Variants in PXK observed in about 807,000 individuals in gnomAD.
PXK encodes the protein PX domain containing serine/threonine kinase like.
PXK carries 35 observed loss-of-function variants against 84.7 expected under a neutral mutation model. That is an observed-to-expected ratio of 0.41 (90% confidence interval 0.32 to 0.55). PXK has a LOEUF of 0.55. Ranked by LOEUF, PXK falls within the 20% of genes least tolerant of loss-of-function variation. The probability of loss-of-function intolerance (pLI) is 0.21; values close to 1 mark genes in which losing one functional copy is unlikely to be tolerated. For synonymous variants in PXK, 253 were observed against 260.8 expected, an observed-to-expected ratio of 0.97 and a Z score of 0.29; for missense variants, 634 against 699.7, an observed-to-expected ratio of 0.91 and a Z score of 1.06.
intron 17 of PXK, among the ~76,000 whole-genome samples, chr3:58,417,335 T>C (rs544542859): frequency 6.6e-6 from 1 of 152,350 alleles, no homozygotes; most frequent in South Asian, 2.1e-4. Context: ...CAGCAGTGCC[T>C]TTCTTTCCGA....
At chr3:58,423,389 G>C in intron 17 of PXK, 1 of 1,501,478 alleles carries the variant, frequency 6.7e-7, no homozygotes, top group Non-Finnish European at 9.0e-7. Flanking sequence ...GTCTTTATTT[G>C]TATTGCTATC....
At chr3:58,335,052 TG>T (rs1364530952) in intron 1 of PXK, among the ~76,000 whole-genome samples, 1 of 147,764 alleles carries the variant, frequency 6.8e-6, no homozygotes, top group Non-Finnish European at 1.5e-5. Flanking sequence ...TGTGTGTGTG[TG>T]TGTGTGGAGA....
rs1312507651 is a variant in PXK, at chr3:58,332,894, T to C, written c.-95T>C. Reference sequence around the variant, plus strand: ...CGGCGGCGCGTGGGGCGGCGCGTGTTGACAGCGGCGGCGGTGGAACCGGGC... The same window carrying C: ...CGGCGGCGCGTGGGGCGGCGCGTGTCGACAGCGGCGGCGGTGGAACCGGGC... On this transcript the variant is annotated 5_prime_UTR_variant, in exon 1 of 18. Coordinates refer to ENST00000356151, the MANE Select transcript of PXK (RefSeq NM_017771.5). This position sits in a 1 kb window ranked among gnomAD's most constrained non-coding sequence, Gnocchi z 5.6. 1.2e-5 allele frequency: 9 copies of C among 748,792 alleles called. No homozygotes were observed. Among genetic ancestry groups the C allele is most frequent in the African/African-American group, 1.9e-5 (1 of 52,156 alleles). The allele number at this position is 748,792 out of a possible 1,614,324, so 46.4% of individuals were successfully genotyped here.
At chr3:58,348,554 TTAAA>T (rs1034983403) in intron 1 of PXK, among the ~76,000 whole-genome samples, 3 of 152,186 alleles carry the variant, frequency 2.0e-5, no homozygotes, top group Non-Finnish European at 4.4e-5. Flanking sequence ...TGAAATTAAT[TTAAA>T]TAATATATTT....
At chr3:58,391,104 C>G in intron 5 of PXK, 43 bp from the exon 6 acceptor site, 1 of 1,476,454 alleles carries the variant, frequency 6.8e-7, no homozygotes, top group Non-Finnish European at 9.4e-7. Flanking sequence ...TCAGTTGTTG[C>G]AAAAATTGTG....
At chr3:58,353,858 C>T (rs998313775) in intron 1 of PXK, among the ~76,000 whole-genome samples, 1 of 152,292 alleles carries the variant, frequency 6.6e-6, no homozygotes, top group South Asian at 2.1e-4. Flanking sequence ...ACAGTTTGGT[C>T]AGGTGGTAGA....
intron 3 of PXK, among the ~76,000 whole-genome samples, chr3:58,375,678 A>C (rs532955262): frequency 6.6e-6 from 1 of 152,324 alleles, no homozygotes; most frequent in Non-Finnish European, 1.5e-5. Context: ...AAAGATGTAC[A>C]GGTTAGGTGA....
intron 16 of PXK, 70 bp downstream of exon 16, chr3:58,410,229 G>A: frequency 8.4e-7 from 1 of 1,185,308 alleles, no homozygotes; most frequent in Non-Finnish European, 1.3e-6. Flanking sequence ...AGTTGGTCAA[G>A]AGGTCTTGAG....
At chr3:58,365,633 A>G (rs781043920) in intron 1 of PXK, among the ~76,000 whole-genome samples, 2 of 152,160 alleles carry the variant, frequency 1.3e-5, no homozygotes, top group Admixed American at 6.5e-5. Context: ...CAGTTTTATC[A>G]GTTTTTTGCC....
Position 58,333,517 on chromosome 3 carries a change from C to CTGA in PXK, c.102+429_102+430insATG, listed in dbSNP as rs1408392734. ...TAATTTCCTCCTTGCAGCTGAGGGT[C>CTGA]TGGGTGATGGGGATGAGGGTGTGCC... On this transcript the variant is annotated intron_variant, in intron 1 of 17. Transcript: ENST00000356151. The surrounding 1 kb of genome is among the most constrained non-coding windows in gnomAD (Gnocchi z 5.4). 1 of 456,566 alleles carries CTGA rather than the reference C, an allele frequency of 2.2e-6. No individual in the cohort carries two copies. The highest frequency in any genetic ancestry group is 1.5e-5 in the South Asian group (1 of 64,550). The allele number at this position is 456,566 out of a possible 1,614,324, so 28.3% of individuals were successfully genotyped here. A position where few individuals can be genotyped will look rare whatever the true frequency, so the allele number is the denominator to read the frequency against.
In PXK at chr3:58,376,429, A is replaced by T. The variant is rs752296555; in HGVS notation, c.202-6085A>T. The stretch of plus-strand genomic sequence containing the variant: ...AAACTCTGTCTAAAAATAAATAAAT[A>T]AATAAAATTAATTAATTAGCCTATG... On this transcript the variant is annotated intron_variant, in intron 3 of 17. Coordinates refer to ENST00000356151, the MANE Select transcript of PXK (RefSeq NM_017771.5). Among the ~76,000 whole-genome samples, 7 of 152,198 alleles carry T rather than the reference A, an allele frequency of 4.6e-5. No individual in the cohort carries two copies. In the South Asian group the frequency reaches 8.3e-4, roughly 18 times the overall value.
intron 1 of PXK, among the ~76,000 whole-genome samples, chr3:58,340,266 A>T (rs1218375189): frequency 6.6e-6 from 1 of 151,138 alleles, no homozygotes; most frequent in African/African-American, 2.4e-5. Context: ...GGAACTACAG[A>T]CACGCATCAC....
intron 2 of PXK, among the ~76,000 whole-genome samples, chr3:58,367,400 A>G (rs530045657): frequency 6.6e-6 from 1 of 151,950 alleles, no homozygotes; most frequent in African/African-American, 2.4e-5. Flanking sequence ...ACCCGCCACC[A>G]CGCCCAGCTA....
chr3:58,382,629 A>G lies in PXK; in HGVS notation c.317A>G (p.Asn106Ser). The change falls in exon 4 of 18, where the codon AAT becomes AGT. Residue 106 changes from asparagine (N) to serine (S), a missense_variant. By Grantham distance (46) the Asn-to-Ser change is conservative. This residue lies in a region of PXK where 353 missense variants were observed against 385.2 expected (regional missense o/e 0.92). Transcript: ENST00000356151. ...AACTATCTCAACGTGATCACAACAA[A>G]TCATATCTTGTCTAATTGTGAGCTG... ...LQNYLNVITT[N>S]HILSNCELVK... 6.2e-7 allele frequency: 1 copy of G among 1,602,852 alleles called. No homozygotes were observed. The highest frequency in any genetic ancestry group is 8.5e-7 in the Non-Finnish European group (1 of 1,176,558).
chr3:58,384,334 G>T (rs2098533030), intron 4 of PXK, among the ~76,000 whole-genome samples: 1 of 152,194 alleles, frequency 6.6e-6, no homozygotes. Context: ...GGATGTACCT[G>T]CCATTTCCTA....
At position 58,370,628 on chromosome 3, in the gene PXK, G is replaced by A. The variant is rs1421324065; in HGVS notation, c.201+1150G>A. ...CCTCTGATCTTGCCCATAAAGGTCAGGAGGACTGTGCACTAGGAGGAAGCG... is the reference window on the plus strand; with the variant it reads ...CCTCTGATCTTGCCCATAAAGGTCAAGAGGACTGTGCACTAGGAGGAAGCG... On this transcript the variant is annotated intron_variant, in intron 3 of 17. Coordinates refer to ENST00000356151, the MANE Select transcript of PXK (RefSeq NM_017771.5). This position sits in a 1 kb window ranked among gnomAD's most constrained non-coding sequence, Gnocchi z 4.2. Among the ~76,000 whole-genome samples, 1 of 152,166 alleles carries A rather than the reference G, an allele frequency of 6.6e-6. No homozygotes were observed. The highest frequency in any genetic ancestry group is 1.5e-5 in the Non-Finnish European group (1 of 68,016).
At chr3:58,353,336 G>A (rs185523390) in intron 1 of PXK, among the ~76,000 whole-genome samples, 1 of 152,270 alleles carries the variant, frequency 6.6e-6, no homozygotes, top group African/African-American at 2.4e-5. Flanking sequence ...ATTTCATGTG[G>A]CTGAAAAGAA....
chr3:58,420,854 T>G, intron 17 of PXK: 1 of 1,229,234 alleles, frequency 8.1e-7, no homozygotes, highest in East Asian at 4.2e-5. Flanking sequence ...TGCATGGCAT[T>G]TTGGTATATT....
rs937273267 is a variant in PXK, at chr3:58,414,572, G to A, written c.1528+1609G>A. 6.6e-6 allele frequency: 1 copy of A among 152,034 alleles called. No individual in the cohort carries two copies. Among genetic ancestry groups the A allele is most frequent in the Non-Finnish European group, 1.5e-5 (1 of 68,024 alleles). The allele number at this position is 152,034 out of a possible 1,614,324, so 9.4% of individuals were successfully genotyped here. On this transcript the variant is annotated intron_variant, in intron 17 of 17. Coordinates refer to ENST00000356151, the MANE Select transcript of PXK (RefSeq NM_017771.5). The surrounding 1 kb of genome is among the most constrained non-coding windows in gnomAD (Gnocchi z 4.5). The stretch of plus-strand genomic sequence containing the variant: ...GAGTCAATGTTGGGAAAACTTGGAG[G>A]TGAGTGGGAGGGGCATTCCTGTGAA...
Sources: gnomAD v4.1 joint callset for allele counts (sites outside exome capture counted in the v4.1 genomes callset) on GRCh38, gnomAD v4.1.1 for gene constraint, gnomAD v4.1.1 regional missense constraint, Gnocchi (gnomAD v3.1) non-coding constraint, MANE v1.5 for transcripts, NCBI Gene and HGNC (gene_info 2026-07-23, HGNC 2026-07-21) for gene names.